NBPF9: variants seen among roughly 807,000 people sequenced by gnomAD.
NBPF9 encodes NBPF family member NBPF9.
Under a neutral mutation model 97.8 loss-of-function variants are expected in NBPF9, and 91 were observed. The ratio of observed to expected loss-of-function variants is 0.93; its 90% confidence interval spans 0.79 to 1.11. The LOEUF (loss-of-function observed/expected upper bound fraction) is 1.11, where lower values mean the gene tolerates loss of function less well. NBPF9 is among the 50% of genes least tolerant of loss of function. The pLI is 0.00. For synonymous variants in NBPF9, 334 were observed against 359.5 expected (o/e 0.93, Z 0.80); for missense variants, 992 against 939.5 (o/e 1.06, Z -0.73).
downstream of NBPF9, among the ~76,000 whole-genome samples, chr1:149,052,274 C>T (rs587689622): frequency 6.6e-6 from 1 of 152,098 alleles, no homozygotes; most frequent in Non-Finnish European, 1.5e-5. Flanking sequence ...AAAGTTTTTG[C>T]TCAACAGTAC....
intron 5 of NBPF9, among the ~76,000 whole-genome samples, chr1:149,082,957 C>CTTTTTTT (rs1157992196): frequency 0.016 from 1,062 of 66,392 alleles, 11 homozygotes; most frequent in Non-Finnish European, 0.017. Flanking sequence ...TTTTTCTTTT[C>CTTTTTTT]TTTTTTTTTT....
chr1:149,081,091 T>G (rs1409540806), intron 7 of NBPF9, among the ~76,000 whole-genome samples: 2 of 151,786 alleles, frequency 1.3e-5, no homozygotes, highest in African/African-American at 4.8e-5. Context: ...CAAGGTACTC[T>G]CTTTTATTTT....
exon 30 of NBPF9, chr1:149,055,616 T>C: frequency 1.2e-6 from 2 of 1,611,486 alleles, no homozygotes; most frequent in Non-Finnish European, 1.7e-6. Context: ...CTATAGGTCC[T>C]GCCTGCAGGA....
At chr1:149,075,433 T>C (rs1356395954) in intron 12 of NBPF9, among the ~76,000 whole-genome samples, 3 of 152,210 alleles carry the variant, frequency 2.0e-5, no homozygotes, top group African/African-American at 7.2e-5. Context: ...AAATGGCAGT[T>C]TAACTCTAGT....
rs1416165426 is a variant in NBPF9 at position 149,064,302 on chromosome 1, A to G, written c.1853+129T>C. 1.5e-5 allele frequency: 11 copies of G among 756,024 alleles called. No individual in the cohort carries two copies. The African/African-American group carries it at 2.3e-4, about 16-fold the overall frequency. 46.8% of individuals were successfully genotyped at this position (756,024 alleles called of 1,614,324 possible). ...TTACTCTAATGAGAACCAAAAAGCAATGTAGTAGGCATAATTCATACTTGT... is the reference window on the plus strand; with the variant it reads ...TTACTCTAATGAGAACCAAAAAGCAGTGTAGTAGGCATAATTCATACTTGT... On this transcript the variant is annotated intron_variant, in intron 19 of 29. Transcript: ENST00000584027.
intron 1 of NBPF9, 97 bp from the exon 2 acceptor site, chr1:149,102,944 G>A (rs1191245377): frequency 6.6e-6 from 1 of 151,608 alleles, no homozygotes; most frequent in African/African-American, 2.4e-5. Flanking sequence ...GGTCCCCAGA[G>A]GCAACCGATT....
intron 11 of NBPF9, among the ~76,000 whole-genome samples, chr1:149,076,951 T>C (rs1457342202): frequency 4.0e-5 from 6 of 151,256 alleles, no homozygotes; most frequent in Non-Finnish European, 8.9e-5. Context: ...TGCAGCACCA[T>C]GCCTGCCTAA....
chr1:149,071,998 C>T (rs1416263234), intron 14 of NBPF9, among the ~76,000 whole-genome samples: 20 of 147,242 alleles, frequency 1.4e-4, no homozygotes, highest in African/African-American at 5.1e-4. Context: ...TTCCCAGGCA[C>T]AGGCTTGGTG....
intron 5 of NBPF9, among the ~76,000 whole-genome samples, chr1:149,089,025 C>A (rs1187343296): frequency 6.6e-6 from 1 of 151,196 alleles, no homozygotes; most frequent in Non-Finnish European, 1.5e-5. Context: ...TGATTAGTAA[C>A]CACCACATGT....
At chr1:149,068,566 G>A (rs1331037888) in intron 17 of NBPF9, among the ~76,000 whole-genome samples, 26 of 151,256 alleles carry the variant, frequency 1.7e-4, no homozygotes, top group South Asian at 4.2e-4. Context: ...CAATTCAACA[G>A]GAAGAGTTAA....
chr1:149,055,515 G>T (rs879985191), exon 30 of NBPF9: 1 of 1,541,512 alleles, frequency 6.5e-7, no homozygotes, highest in Admixed American at 1.9e-5. Context: ...CACTGGCATG[G>T]TTTGAGAATA....
chr1:149,070,997 C>A (rs782218569), exon 16 of NBPF9: 7 of 1,612,288 alleles, frequency 4.3e-6, no homozygotes, highest in South Asian at 1.1e-5. Flanking sequence ...AGAGTTGAGT[C>A]GACTTTGTCT....
intron 15 of NBPF9, 85 bp from the exon 16 acceptor site, chr1:149,071,224 C>T (rs1261387277): frequency 4.1e-5 from 48 of 1,176,990 alleles, no homozygotes; most frequent in South Asian, 2.3e-4. Context: ...TTTTGACAGG[C>T]GGCATTAAGA....
At chr1:149,084,428 TTATA>T (rs1186413462) in intron 5 of NBPF9, among the ~76,000 whole-genome samples, 1 of 146,040 alleles carries the variant, frequency 6.8e-6, no homozygotes, top group Non-Finnish European at 1.5e-5. Context: ...TGTATATATA[TTATA>T]TATATATATA....
chr1:149,062,560 C>T (rs1553650379), intron 21 of NBPF9, among the ~76,000 whole-genome samples: 1 of 141,082 alleles, frequency 7.1e-6, no homozygotes, highest in African/African-American at 2.6e-5. Context: ...GCCCTCGGGA[C>T]ACACAGCGAA....
rs1381180663 is a variant in NBPF9 at position 149,064,913 on chromosome 1, T to C, written c.1802-431A>G. On this transcript the variant is annotated intron_variant, in intron 18 of 29. Coordinates refer to ENST00000584027, the Ensembl canonical transcript of NBPF9. ...CAATGAACCAGCTCTTGAGTCAAAA[T>C]GTAACTTGGTTCTACACAGTAGCAT... is the stretch of plus-strand genomic sequence containing the variant. 4 of 530,234 alleles carry C rather than the reference T, an allele frequency of 7.5e-6. No homozygotes were observed. The South Asian group carries it at 8.7e-5, about 12-fold the overall frequency. 32.8% of individuals were successfully genotyped at this position (530,234 alleles called of 1,614,324 possible).
chr1:149,082,055 C>T, exon 7 of NBPF9: 4 of 1,610,894 alleles, frequency 2.5e-6, no homozygotes, highest in Non-Finnish European at 3.4e-6. Flanking sequence ...TTGTTCTCTG[C>T]CAACTGGGGG....
chr1:149,062,555 C>T (rs1413872178), intron 21 of NBPF9, among the ~76,000 whole-genome samples: 1 of 141,456 alleles, frequency 7.1e-6, no homozygotes, highest in Non-Finnish European at 1.5e-5. Context: ...TTAGTGCCCT[C>T]GGGACACACA....
At chr1:149,061,935 C>T in intron 22 of NBPF9, 158 bp downstream of exon 22, 1 of 480,360 alleles carries the variant, frequency 2.1e-6, no homozygotes, top group Non-Finnish European at 3.7e-6. Context: ...TCTAGGCTTC[C>T]AGCTGAGACT....
Sources: allele counts gnomAD v4.1 joint callset (sites outside exome capture counted in the v4.1 genomes callset), GRCh38; gene constraint gnomAD v4.1.1; transcripts MANE v1.5; gene names NCBI Gene and HGNC (gene_info 2026-07-23, HGNC 2026-07-21).